BAX: variants seen among roughly 807,000 people sequenced by gnomAD.
The protein encoded by BAX is BCL2 associated X, apoptosis regulator.
A neutral mutation model predicts 26.8 loss-of-function variants in BAX; 21 were observed. The observed-to-expected ratio is 0.78, with a 90% CI of 0.56 to 1.13. BAX has a LOEUF of 1.13. BAX is among the 50% of genes most tolerant of loss of function. The pLI, the probability that BAX is intolerant of heterozygous loss-of-function variation, is 0.00. For synonymous variants in BAX, 110 were observed against 101.8 expected, an observed-to-expected ratio of 1.08 and a Z score of -0.49; for missense variants, 236 against 254.6, an observed-to-expected ratio of 0.93 and a Z score of 0.50.
intron 4 of BAX, chr19:48,960,121 T>C: frequency 2.7e-6 from 1 of 373,040 alleles, no homozygotes; most frequent in Non-Finnish European, 5.3e-6. Context: ...ATCCTGAGGG[T>C]ACTGGGGAGC....
At position 48,955,576 on chromosome 19, in the gene BAX, G is replaced by A. The variant is rs751559000; in HGVS notation, c.63G>A (p.Lys21=). ...GGPTSSEQIM[K]TGALLLQGFI... is the part of the protein sequence containing the mutation. ...CCACCAGCTCTGAGCAGATCATGAA[G>A]ACAGGGGCCCTTTTGCTTCAGGGGT... The change falls in exon 2 of 6, where the codon AAG becomes AAA. Residue 21 remains lysine (K), a synonymous_variant. Coordinates refer to ENST00000345358, the MANE Select transcript of BAX (RefSeq NM_138761.4). 2 of 1,613,818 alleles carry A rather than the reference G, an allele frequency of 1.2e-6. No homozygotes were observed. Among genetic ancestry groups the A allele is most frequent in the Non-Finnish European group, 1.7e-6 (2 of 1,179,928 alleles).
chr19:48,961,022 C>T lies in BAX; in HGVS notation c.474+108C>T, dbSNP rs569560296. The T allele has an allele frequency of 5.6e-6, 9 of 1,612,302 alleles. No individual in the cohort carries two copies. The South Asian group carries it at 9.9e-5, about 18-fold the overall frequency. ...CTCTGGGACCCTGGGCCTTCTGGAG[C>T]AGGTCACAGTGGTGCCCTCTCCCCA... On this transcript the variant is annotated intron_variant, in intron 5 of 5. Coordinates refer to ENST00000345358, the MANE Select transcript of BAX (RefSeq NM_138761.4).
chr19:48,955,694 C>A lies in BAX; in HGVS notation c.94C>A (p.Gln32Lys). 1 of 1,612,062 alleles carries A rather than the reference C, an allele frequency of 6.2e-7. No homozygotes were observed. Among genetic ancestry groups the A allele is most frequent in the African/African-American group, 1.3e-5 (1 of 74,990 alleles). ...ACTCCATCCCCACTCTAGTTTCATCCAGGATCGAGCAGGGCGAATGGGGGG... is the reference window on the plus strand; with the variant it reads ...ACTCCATCCCCACTCTAGTTTCATCAAGGATCGAGCAGGGCGAATGGGGGG... ...TGALLLQGFI[Q>K]DRAGRMGGEA... is the part of the protein sequence containing the mutation. Residue 32 changes from glutamine to lysine, a missense_variant, in exon 3 of 6, where the codon CAG becomes AAG. Physicochemically the swap from Gln to Lys is moderately conservative, Grantham distance 53 (BLOSUM62 1). Coordinates refer to ENST00000345358, the MANE Select transcript of BAX (RefSeq NM_138761.4).
Position 48,961,714 on chromosome 19 carries a change from G to C in BAX, c.*78G>C. On this transcript the variant is annotated 3_prime_UTR_variant, in exon 6 of 6. Transcript: ENST00000345358. ...CTGGGAGGGGTGGGGATTGGGGGAC[G>C]TGGGCATTTTTCTTACTTTTGTAAT... The C allele has an allele frequency of 9.4e-7, 1 of 1,068,018 alleles. No individual in the cohort carries two copies. The allele number at this position is 1,068,018 out of a possible 1,614,324, so 66.2% of individuals were successfully genotyped here.
At chr19:48,961,367 G>A in intron 5 of BAX, 165 bp from the exon 6 acceptor site, 1 of 1,241,542 alleles carries the variant, frequency 8.1e-7, no homozygotes, top group South Asian at 1.5e-5. Context: ...GATTACAGGT[G>A]TGAGCCACCA....
rs200950226 is a variant in BAX, at chr19:48,955,650, G to C, written c.87-37G>C. Reference sequence around the variant, plus strand: ...GCACAGATTTGAGGAGTGACACCCCGTTCTGATTCTGCACCCTCACTCCAT... The same window carrying C: ...GCACAGATTTGAGGAGTGACACCCCCTTCTGATTCTGCACCCTCACTCCAT... On this transcript the variant is annotated intron_variant, in intron 2 of 5. Transcript: ENST00000345358. 4.2e-5 allele frequency: 68 copies of C among 1,612,546 alleles called. No individual in the cohort carries two copies. In the African/African-American group the frequency reaches 8.3e-4, roughly 20 times the overall value.
At chr19:48,955,474 C>T (rs2038086891) in intron 1 of BAX, 74 bp from the exon 2 acceptor site, 2 of 1,510,290 alleles carry the variant, frequency 1.3e-6, no homozygotes, top group Admixed American at 2.1e-5. Flanking sequence ...CCTCAGGGGC[C>T]GTGAGTCTCC....
rs36017265 is a variant in BAX, at chr19:48,955,715, G to C, written c.115G>C (p.Gly39Arg). ...GFIQDRAGRM[G>R]GEAPELALDP... ...CATCCAGGATCGAGCAGGGCGAATGGGGGGGGAGGCACCCGAGCTGGCCCT... is the reference window on the plus strand; with the variant it reads ...CATCCAGGATCGAGCAGGGCGAATGCGGGGGGAGGCACCCGAGCTGGCCCT... Residue 39 changes from glycine (G) to arginine (R), a missense_variant, in exon 3 of 6, where the codon GGG becomes CGG. Gly to Arg is a moderately radical substitution (Grantham distance 125). Transcript: ENST00000345358. The C allele has an allele frequency of 3.9e-4, 623 of 1,612,768 alleles. No individual in the cohort carries two copies. The highest frequency in any genetic ancestry group is 5.9e-4 in the Admixed American group (35 of 59,824).
At position 48,961,535 on chromosome 19, in the gene BAX, G is replaced by A. The variant is rs770587887; in HGVS notation, c.478G>A (p.Gly160Ser). The change falls in exon 6 of 6, where the codon GGC becomes AGC. Residue 160 changes from glycine (G) to serine (S), a missense_variant. By Grantham distance (56) the Gly-to-Ser change is moderately conservative (BLOSUM62 0). Coordinates refer to ENST00000345358, the MANE Select transcript of BAX (RefSeq NM_138761.4). ...CGACTGATGTCCCTGTCTCCAGGAC[G>A]GCCTCCTCTCCTACTTTGGGACGCC... ...GWIQDQGGWD[G>S]LLSYFGTPTW... is the part of the protein sequence containing the mutation. The A allele has an allele frequency of 3.6e-5, 58 of 1,607,044 alleles. No individual in the cohort carries two copies. Among genetic ancestry groups the A allele is most frequent in the African/African-American group, 8.0e-5 (6 of 74,772 alleles).
chr19:48,956,277 T>G lies in BAX; in HGVS notation c.313T>G (p.Phe105Val). ...VAADMFSDGN[F>V]NWGRVVALFY... Reference sequence around the variant, plus strand: ...AGCTGACATGTTTTCTGACGGCAACTTCAACTGGGGCCGGGTTGTCGCCCT... The same window carrying G: ...AGCTGACATGTTTTCTGACGGCAACGTCAACTGGGGCCGGGTTGTCGCCCT... The change falls in exon 4 of 6, where the codon TTC becomes GTC. Residue 105 changes from phenylalanine to valine, a missense_variant. By Grantham distance (50) the Phe-to-Val change is conservative (BLOSUM62 -1). Coordinates refer to ENST00000345358, the MANE Select transcript of BAX (RefSeq NM_138761.4). The G allele has an allele frequency of 6.3e-7, 1 of 1,590,904 alleles. No individual in the cohort carries two copies.
Position 48,954,918 on chromosome 19 carries a change from G to A in BAX, c.-11G>A. On this transcript the variant is annotated 5_prime_UTR_variant, in exon 1 of 6. Coordinates refer to ENST00000345358, the MANE Select transcript of BAX (RefSeq NM_138761.4). ...CGGACCCGGCGAGAGGCGGCGGCGG[G>A]AGCGGCGGTGATGGACGGGTCCGGG... 8.1e-7 allele frequency: 1 copy of A among 1,235,788 alleles called. No homozygotes were observed. Among genetic ancestry groups the A allele is most frequent in the Non-Finnish European group, 1.0e-6 (1 of 989,140 alleles). The allele number at this position is 1,235,788 out of a possible 1,614,324, so 76.6% of individuals were successfully genotyped here. A position where few individuals can be genotyped will look rare whatever the true frequency, so the allele number is the denominator to read the frequency against.
At chr19:48,955,340 G>A (rs950978916) in intron 1 of BAX, 32 of 523,020 alleles carry the variant, frequency 6.1e-5, no homozygotes, top group Admixed American at 2.3e-4. Flanking sequence ...CTCTTTCCCC[G>A]GGGAGAATGT....
chr19:48,958,797 G>A (rs578247294), intron 4 of BAX, among the ~76,000 whole-genome samples: 18 of 151,850 alleles, frequency 1.2e-4, no homozygotes, highest in Admixed American at 4.6e-4. Context: ...CGCCTGCCTC[G>A]GTCTCCCAAA....
chr19:48,960,782 TC>T, intron 4 of BAX, 27 bp from the exon 5 acceptor site: 1 of 1,571,258 alleles, frequency 6.4e-7, no homozygotes, highest in Non-Finnish European at 8.7e-7. Flanking sequence ...CAAGGTTCAG[TC>T]CCTAACGCCC....
chr19:48,957,930 A>G (rs957229585), intron 4 of BAX, among the ~76,000 whole-genome samples: 2 of 152,124 alleles, frequency 1.3e-5, no homozygotes, highest in Non-Finnish European at 2.9e-5. Flanking sequence ...AGATTCTCAT[A>G]AGAAAATGTG....
chr19:48,956,277 T>C lies in BAX; in HGVS notation c.313T>C (p.Phe105Leu), dbSNP rs899560616. 1 of 1,590,904 alleles carries C rather than the reference T, an allele frequency of 6.3e-7. No homozygotes were observed. Among genetic ancestry groups the C allele is most frequent in the Non-Finnish European group, 8.6e-7 (1 of 1,169,398 alleles). Reference protein sequence around the residue: ...VAADMFSDGNFNWGRVVALFY... With the variant: ...VAADMFSDGNLNWGRVVALFY... The stretch of plus-strand genomic sequence containing the variant: ...AGCTGACATGTTTTCTGACGGCAAC[T>C]TCAACTGGGGCCGGGTTGTCGCCCT... The change falls in exon 4 of 6, where the codon TTC becomes CTC. Residue 105 changes from phenylalanine (F) to leucine (L), a missense_variant. By Grantham distance (22) the Phe-to-Leu change is conservative. Transcript: ENST00000345358.
intron 4 of BAX, among the ~76,000 whole-genome samples, chr19:48,958,527 T>C (rs2038223416): frequency 1.2e-5 from 1 of 85,724 alleles, no homozygotes. Flanking sequence ...ATGGGAGGGA[T>C]ATTTCTTTCT....
intron 4 of BAX, among the ~76,000 whole-genome samples, chr19:48,957,664 G>A (rs1391335477): frequency 2.0e-5 from 3 of 152,132 alleles, no homozygotes; most frequent in Non-Finnish European, 4.4e-5. Context: ...ATAACTTTAA[G>A]AGATTATTCT....
At chr19:48,959,683 C>T (rs1023758685) in intron 4 of BAX, among the ~76,000 whole-genome samples, 10 of 150,352 alleles carry the variant, frequency 6.7e-5, no homozygotes, top group East Asian at 3.9e-4. Flanking sequence ...AAAAATAGCC[C>T]GGTGTGGTGG....
Sources: allele counts gnomAD v4.1 joint callset (sites outside exome capture counted in the v4.1 genomes callset), GRCh38; gene constraint gnomAD v4.1.1; transcripts MANE v1.5; gene names NCBI Gene and HGNC (gene_info 2026-07-23, HGNC 2026-07-21).